The following MAPK10 variants were observed in gnomAD, a reference collection of about 807,000 sequenced individuals.
MAPK10 encodes the protein mitogen-activated protein kinase 10.
MAPK10 carries 25 observed loss-of-function variants against 59.3 expected under a neutral mutation model. The ratio of observed to expected loss-of-function variants is 0.42; its 90% CI spans 0.31 to 0.59. The LOEUF is 0.59. Ranked by LOEUF, MAPK10 falls within the 20% of genes least tolerant of loss-of-function variation. The probability of loss-of-function intolerance (pLI) is 0.15; values close to 1 mark genes in which losing one functional copy is unlikely to be tolerated. For synonymous variants in MAPK10, 190 were observed against 200.5 expected (o/e 0.95, Z 0.44); for missense variants, 351 against 568.9 (o/e 0.62, Z 3.90).
intron 1 of MAPK10, among the ~76,000 whole-genome samples, chr4:86,480,722 T>G (rs940949347): frequency 3.3e-5 from 5 of 152,214 alleles, no homozygotes; most frequent in Non-Finnish European, 7.3e-5. Flanking sequence ...AGGTGATATC[T>G]TTCCTCATCC....
chr4:86,439,918 G>A (rs1749217741), intron 1 of MAPK10, among the ~76,000 whole-genome samples: 1 of 152,068 alleles, frequency 6.6e-6, no homozygotes, highest in South Asian at 2.1e-4. Context: ...CAAAATTTCT[G>A]TTCAAACATT....
rs181079546 is a variant in MAPK10, at chr4:86,520,597, T to C, written c.-263+73313A>G. Among the ~76,000 whole-genome samples, 149 of 152,332 alleles carry C rather than the reference T, an allele frequency of 9.8e-4. 2 individuals are homozygous for C. Among genetic ancestry groups the C allele is most frequent in the African/African-American group, 3.5e-3 (145 of 41,562 alleles). On this transcript the variant is annotated intron_variant, in intron 1 of 4. Transcript: ENST00000502302. ...TTGAGTAGCTTAATAATCAATCTTC[T>C]GAACTTTTTATCTGGCAATTCAGAG... is the stretch of plus-strand genomic sequence containing the variant.
intron 11 of MAPK10, among the ~76,000 whole-genome samples, chr4:86,057,835 A>G (rs1579319597): frequency 6.7e-6 from 1 of 150,064 alleles, no homozygotes; most frequent in South Asian, 2.1e-4. Flanking sequence ...GAGGAAAGTG[A>G]AAAGTTCTTT....
chr4:86,256,800 G>A (rs1157883758), intron 2 of MAPK10, among the ~76,000 whole-genome samples: 1 of 140,990 alleles, frequency 7.1e-6, no homozygotes, highest in East Asian at 2.0e-4. Flanking sequence ...GAGTACAGTG[G>A]CGCGATCTCG....
At chr4:86,052,160 C>T (rs2043676405) in intron 11 of MAPK10, among the ~76,000 whole-genome samples, 1 of 152,008 alleles carries the variant, frequency 6.6e-6, no homozygotes, top group Non-Finnish European at 1.5e-5. Flanking sequence ...CTTCTGCCTC[C>T]ACCACTTTCC....
chr4:86,113,040 C>T (rs2057750785), intron 4 of MAPK10, among the ~76,000 whole-genome samples: 1 of 151,822 alleles, frequency 6.6e-6, no homozygotes, highest in African/African-American at 2.4e-5. Flanking sequence ...ATTGCAACCC[C>T]TGCCTTTTTC....
intron 4 of MAPK10, among the ~76,000 whole-genome samples, chr4:86,157,179 TA>T (rs897613921): frequency 1.3e-5 from 2 of 151,948 alleles, no homozygotes; most frequent in African/African-American, 4.8e-5. Flanking sequence ...GAAAAGATTG[TA>T]AAAACCCAAT....
chr4:86,169,244 C>A (rs994565512), intron 3 of MAPK10, among the ~76,000 whole-genome samples: 2 of 152,100 alleles, frequency 1.3e-5, no homozygotes, highest in East Asian at 3.9e-4. Flanking sequence ...GAGAAGAAGG[C>A]TACAGACGAT....
intron 1 of MAPK10, among the ~76,000 whole-genome samples, chr4:86,541,493 G>C (rs1387090055): frequency 6.6e-6 from 1 of 152,154 alleles, no homozygotes; most frequent in African/African-American, 2.4e-5. Flanking sequence ...AGAAGTGGTA[G>C]AAAGGAAAAA....
intron 2 of MAPK10, among the ~76,000 whole-genome samples, chr4:86,266,286 G>A (rs1265895257): frequency 3.3e-5 from 5 of 152,050 alleles, no homozygotes; most frequent in Non-Finnish European, 7.4e-5. Context: ...GAGTCAAAAG[G>A]CCTTGGTTTC....
chr4:86,514,625 G>T (rs1756522102), intron 1 of MAPK10, among the ~76,000 whole-genome samples: 1 of 152,082 alleles, frequency 6.6e-6, no homozygotes, highest in South Asian at 2.1e-4. Context: ...ACATTTACAT[G>T]TATATTACAG....
At chr4:86,131,457 G>T (rs1291119062) in intron 4 of MAPK10, among the ~76,000 whole-genome samples, 3 of 152,098 alleles carry the variant, frequency 2.0e-5, no homozygotes, top group Non-Finnish European at 4.4e-5. Context: ...GTTAGGAATG[G>T]ACCTACTTAG....
At chr4:86,394,946 C>T (rs866270147) in intron 1 of MAPK10, among the ~76,000 whole-genome samples, 31 of 152,302 alleles carry the variant, frequency 2.0e-4, no homozygotes, top group Middle Eastern at 3.4e-3. Flanking sequence ...AATATATTCA[C>T]GCACCTGTGC....
At chr4:86,089,716 CAA>C (rs33967580) in intron 9 of MAPK10, among the ~76,000 whole-genome samples, 34,269 of 151,932 alleles carry the variant, frequency 0.23, 4,059 homozygotes, top group South Asian at 0.27. Flanking sequence ...CCAGCAACCT[CAA>C]AAGAGTTTCT....
At chr4:86,454,113 A>C (rs983310287), upstream of MAPK10, among the ~76,000 whole-genome samples, 1 of 152,216 alleles carries the variant, frequency 6.6e-6, no homozygotes, top group Non-Finnish European at 1.5e-5. Context: ...GGAACTGAAC[A>C]ACAGCCTTCA....
At chr4:86,588,498 T>C (rs1461524523) in intron 1 of MAPK10, among the ~76,000 whole-genome samples, 1 of 152,224 alleles carries the variant, frequency 6.6e-6, no homozygotes, top group Non-Finnish European at 1.5e-5. Context: ...GGCAACTTGA[T>C]TCTGTTGCTA....
intron 1 of MAPK10, among the ~76,000 whole-genome samples, chr4:86,593,171 T>C (rs1189405812): frequency 1.3e-5 from 2 of 152,232 alleles, no homozygotes; most frequent in African/African-American, 2.4e-5. Context: ...ATCATACATG[T>C]ATGGCAGCCT....
intron 2 of MAPK10, among the ~76,000 whole-genome samples, chr4:86,314,291 A>G (rs1207770440): frequency 6.6e-6 from 1 of 152,084 alleles, no homozygotes; most frequent in Non-Finnish European, 1.5e-5. Context: ...GTCCCCACCC[A>G]AATCTCATCT....
intron 1 of MAPK10, among the ~76,000 whole-genome samples, chr4:86,424,158 C>G (rs1169452829): frequency 6.6e-6 from 1 of 152,020 alleles, no homozygotes; most frequent in Non-Finnish European, 1.5e-5. Flanking sequence ...CCAGTTCAGA[C>G]CGACTTCTTC....
Sources: gnomAD v4.1 joint callset for allele counts (sites outside exome capture counted in the v4.1 genomes callset) on GRCh38, gnomAD v4.1.1 for gene constraint, MANE v1.5 for transcripts, NCBI Gene and HGNC (gene_info 2026-07-23, HGNC 2026-07-21) for gene names.